The following CSMD2 variants were observed in gnomAD, a reference collection of about 807,000 sequenced individuals.
The protein encoded by CSMD2 is CUB and sushi domain-containing protein 2.
Under a neutral mutation model 398.5 loss-of-function variants are expected in CSMD2, and 130 were observed. The observed-to-expected ratio is 0.33, with a 90% CI of 0.28 to 0.38. CSMD2 has a LOEUF of 0.38. Among genes scored for constraint, CSMD2 ranks in the 10% least tolerant of loss-of-function variants. The pLI, the probability that CSMD2 is intolerant of heterozygous loss-of-function variation, is 1.00. For missense variants in CSMD2, 3,829 were observed against 4,764.9 expected (o/e 0.80, Z 5.78); for synonymous variants, 1,828 against 1,908.5 (o/e 0.96, Z 1.10).
At chr1:33,680,193 A>T (rs1644860502) in intron 25 of CSMD2, among the ~76,000 whole-genome samples, 2 of 110,374 alleles carry the variant, frequency 1.8e-5, no homozygotes, top group African/African-American at 3.5e-5. Context: ...CAATATTGTG[A>T]TCCCTGCTTT....
chr1:33,864,983 T>TGGGGAGAGTGA (rs1639907605), intron 5 of CSMD2, among the ~76,000 whole-genome samples: 1 of 43,512 alleles, frequency 2.3e-5, no homozygotes, highest in Non-Finnish European at 4.5e-5. Context: ...AGGAGGGGAA[T>TGGGGAGAGTGA]GGAGGGGAGG....
chr1:33,863,057 C>G (rs899688055), intron 5 of CSMD2: 1 of 152,182 alleles, frequency 6.6e-6, no homozygotes, highest in African/African-American at 2.4e-5. Flanking sequence ...CGTCAAAATC[C>G]ACACTCTCAC....
chr1:33,935,013 TAA>T (rs537683892), intron 4 of CSMD2, among the ~76,000 whole-genome samples: 64 of 42,294 alleles, frequency 1.5e-3, no homozygotes, highest in African/African-American at 3.7e-3. Flanking sequence ...CAAATAAAAT[TAA>T]AAAAAAAAAA....
chr1:34,031,931 A>G (rs1029253833), intron 3 of CSMD2, among the ~76,000 whole-genome samples: 19 of 152,200 alleles, frequency 1.2e-4, no homozygotes, highest in African/African-American at 4.3e-4. Flanking sequence ...ATAATTACCT[A>G]TTAATGAGAT....
At chr1:34,010,991 T>C (rs2148068016) in intron 3 of CSMD2, among the ~76,000 whole-genome samples, 1 of 152,248 alleles carries the variant, frequency 6.6e-6, no homozygotes, top group East Asian at 1.9e-4. Context: ...ATCCTTTAGG[T>C]CTTTACTTCC....
At chr1:33,767,632 C>T (rs185317736) in intron 13 of CSMD2, among the ~76,000 whole-genome samples, 118 of 152,230 alleles carry the variant, frequency 7.8e-4, no homozygotes, top group Middle Eastern at 6.8e-3. Flanking sequence ...AATAAATGAA[C>T]GGGTAGAAGG....
chr1:33,810,487 A>C (rs1656737253), intron 10 of CSMD2, among the ~76,000 whole-genome samples: 1 of 152,168 alleles, frequency 6.6e-6, no homozygotes, highest in African/African-American at 2.4e-5. Flanking sequence ...AACCTGCATC[A>C]CTAAGGTAAC....
At chr1:33,944,232 C>CA (rs1558141549) in intron 3 of CSMD2, among the ~76,000 whole-genome samples, 2 of 134,454 alleles carry the variant, frequency 1.5e-5, no homozygotes, top group African/African-American at 5.0e-5. Context: ...TCAGGAACGC[C>CA]CCCCCCCCAA....
In CSMD2 at chr1:33,583,789, C is replaced by A. The variant is rs372170838; in HGVS notation, c.7093G>T (p.Val2365Leu). ...TNELLTDSTG[V>L]ILSQSYPGSY... ...CCAGGGTAGCTCTGGCTCAGGATCA[C>A]GCCTGTGGAGTCTGTCAGAAGCTCA... The change falls in exon 47 of 71, where the codon GTG becomes TTG. Residue 2365 changes from valine to leucine, a missense_variant. Physicochemically the swap from Val to Leu is conservative, Grantham distance 32 (BLOSUM62 1). Transcript: ENST00000373381. The A allele has an allele frequency of 1.9e-6, 3 of 1,614,146 alleles. No individual in the cohort carries two copies. Among genetic ancestry groups the A allele is most frequent in the African/African-American group, 1.3e-5 (1 of 75,034 alleles).
intron 5 of CSMD2, chr1:33,864,597 G>T: frequency 6.2e-7 from 1 of 1,614,032 alleles, no homozygotes. Context: ...AACAGCGACA[G>T]ACCTGGAGAA....
intron 56 of CSMD2, among the ~76,000 whole-genome samples, chr1:33,547,760 C>T (rs1331796111): frequency 6.6e-6 from 1 of 152,208 alleles, no homozygotes; most frequent in Non-Finnish European, 1.5e-5. Context: ...ACACAACAGG[C>T]AGAACTGGGT....
chr1:33,541,693 T>C (rs1255535733), intron 58 of CSMD2, among the ~76,000 whole-genome samples: 2 of 152,170 alleles, frequency 1.3e-5, no homozygotes, highest in Non-Finnish European at 1.5e-5. Context: ...GCCCACACTG[T>C]CCTTATGCAC....
At chr1:33,737,223 G>C (rs556489866) in intron 15 of CSMD2, among the ~76,000 whole-genome samples, 1 of 152,306 alleles carries the variant, frequency 6.6e-6, no homozygotes, top group African/African-American at 2.4e-5. Flanking sequence ...CAAAGCTTCT[G>C]TTCTTTCCAA....
chr1:33,989,712 C>A (rs140993802), intron 3 of CSMD2, among the ~76,000 whole-genome samples: 1 of 152,104 alleles, frequency 6.6e-6, no homozygotes, highest in East Asian at 1.9e-4. Flanking sequence ...CACTGTTATA[C>A]TGAAAAAAGT....
intron 45 of CSMD2, 132 bp downstream of exon 45, chr1:33,586,956 C>G (rs564344106): frequency 1.5e-6 from 1 of 668,034 alleles, no homozygotes; most frequent in East Asian, 2.7e-5. Context: ...CCCTCTGGCA[C>G]AGGGCCTACT....
intron 22 of CSMD2, among the ~76,000 whole-genome samples, chr1:33,701,685 G>A (rs1278586695): frequency 6.6e-6 from 1 of 152,250 alleles, no homozygotes; most frequent in African/African-American, 2.4e-5. Context: ...CTGGGAGCCT[G>A]AAGTCTGTTT....
intron 3 of CSMD2, among the ~76,000 whole-genome samples, chr1:33,949,212 T>C (rs939689126): frequency 1.3e-5 from 2 of 152,232 alleles, no homozygotes; most frequent in African/African-American, 4.8e-5. Flanking sequence ...TCTCAGTGTC[T>C]GACACACAGG....
At position 33,725,463 on chromosome 1, in the gene CSMD2, C is replaced by T; in HGVS notation, c.2581G>A (p.Val861Ile). The change falls in exon 17 of 71, where the codon GTT becomes ATT. Residue 861 changes from valine to isoleucine, a missense_variant. Around this residue, in one of 5 missense-constraint regions of CSMD2, gnomAD observed 2,001 missense variants for 2,567.1 expected, o/e 0.78. Transcript: ENST00000373381. ...TGGGGAACCTGGGTCCCGTGGTAAA[C>T]CCCGATCAAGGGCGCTGAGTAAGTC... ...GRTYSAPLIGVYHGTQVPQFL... is the reference protein window; with the variant it reads ...GRTYSAPLIGIYHGTQVPQFL... 6.2e-7 allele frequency: 1 copy of T among 1,614,194 alleles called. No homozygotes were observed. Among genetic ancestry groups the T allele is most frequent in the South Asian group, 1.1e-5 (1 of 91,084 alleles).
intron 1 of CSMD2, among the ~76,000 whole-genome samples, chr1:34,132,683 G>A (rs574601206): frequency 1.8e-4 from 28 of 152,202 alleles, no homozygotes; most frequent in Non-Finnish European, 2.9e-4. Context: ...GAAATAGACA[G>A]AGAAGAGGCA....
Sources: allele counts gnomAD v4.1 joint callset (sites outside exome capture counted in the v4.1 genomes callset), GRCh38; gene constraint gnomAD v4.1.1; regional missense constraint gnomAD v4.1.1; transcripts MANE v1.5; gene names NCBI Gene and HGNC (gene_info 2026-07-23, HGNC 2026-07-21).